Variants in LRBA observed in about 807,000 individuals in gnomAD.
LRBA encodes LPS responsive beige-like anchor protein.
Under a neutral mutation model 330.0 loss-of-function variants are expected in LRBA, and 176 were observed. The observed-to-expected ratio is 0.53, with a 90% CI of 0.47 to 0.60. The LOEUF is 0.60. LRBA is among the 20% of genes least tolerant of loss of function. The probability of loss-of-function intolerance (pLI) is 0.00; values close to 1 mark genes in which losing one functional copy is unlikely to be tolerated. For missense variants in LRBA, 3,259 were observed against 3,444.8 expected, an observed-to-expected ratio of 0.95 and a Z score of 1.35; for synonymous variants, 1,230 against 1,193.0, an observed-to-expected ratio of 1.03 and a Z score of -0.64.
Position 150,610,540 on chromosome 4 carries a change from G to T in LRBA, c.5922-11409C>A, listed in dbSNP as rs375306542. The stretch of plus-strand genomic sequence containing the variant: ...GGAGGCAGAGGTTGCAGTGAGCTGA[G>T]ATTACACCACTGCACTCCAGCCTGG... On this transcript the variant is annotated intron_variant, in intron 37 of 56. Coordinates refer to ENST00000651943, the MANE Select transcript of LRBA (RefSeq NM_001364905.1). 1.6e-4 allele frequency among the ~76,000 whole-genome samples: 25 copies of T among 152,212 alleles called. 2 individuals are homozygous for T. Among genetic ancestry groups the T allele is most frequent in the East Asian group, 1.2e-3 (6 of 5,158 alleles).
chr4:150,590,909 T>C, intron 38 of LRBA, 50 bp from the exon 39 acceptor site: 3 of 1,590,320 alleles, frequency 1.9e-6, no homozygotes, highest in Non-Finnish European at 1.7e-6. Context: ...GAAGAGCACT[T>C]CGGCAGAGGG....
chr4:150,835,757 T>C (rs894719705), intron 28 of LRBA, among the ~76,000 whole-genome samples: 1 of 152,184 alleles, frequency 6.6e-6, no homozygotes, highest in Non-Finnish European at 1.5e-5. Context: ...ACAGGGACAA[T>C]TTGACTTCCT....
At chr4:150,784,377 T>C (rs942209234) in intron 34 of LRBA, among the ~76,000 whole-genome samples, 4 of 152,216 alleles carry the variant, frequency 2.6e-5, no homozygotes, top group African/African-American at 4.8e-5. Flanking sequence ...TTTAGGCCAT[T>C]TGAAACTGGG....
intron 37 of LRBA, among the ~76,000 whole-genome samples, chr4:150,652,044 A>G (rs937768646): frequency 1.3e-5 from 2 of 152,086 alleles, no homozygotes; most frequent in African/African-American, 4.8e-5. Flanking sequence ...GGGTTTTGCC[A>G]TGTTGCCCAA....
At chr4:150,614,566 G>A (rs2126594330) in intron 37 of LRBA, among the ~76,000 whole-genome samples, 1 of 152,262 alleles carries the variant, frequency 6.6e-6, no homozygotes, top group Admixed American at 6.5e-5. Context: ...TGAAAGAAAA[G>A]CTCAAGCATA....
Position 150,916,371 on chromosome 4 carries a change from A to T in LRBA, c.894+30T>A, listed in dbSNP as rs765596492. The T allele has an allele frequency of 1.9e-6, 3 of 1,604,066 alleles. No homozygotes were observed. The East Asian group carries it at 6.7e-5, about 36-fold the overall frequency. On this transcript the variant is annotated intron_variant, in intron 7 of 56. Coordinates refer to ENST00000651943, the MANE Select transcript of LRBA (RefSeq NM_001364905.1). ...TTTTGATGACTAGCATAGCTTGTTA[A>T]CATAACTATGACTCAAGAAGATCAT...
chr4:150,680,558 T>G lies in LRBA; in HGVS notation c.5921+2993A>C, dbSNP rs1452173466. On this transcript the variant is annotated intron_variant, in intron 37 of 56. Transcript: ENST00000651943. Reference sequence around the variant, plus strand: ...GGAAACTTTTGGGAATATGTCTTTATAAAGGGTATTAAGTCTACCAACTAT... The same window carrying G: ...GGAAACTTTTGGGAATATGTCTTTAGAAAGGGTATTAAGTCTACCAACTAT... Among the ~76,000 whole-genome samples, 4 of 152,344 alleles carry G rather than the reference T, an allele frequency of 2.6e-5. No homozygotes were observed. The Middle Eastern group carries it at 0.014, about 518-fold the overall frequency.
chr4:150,992,527 CAT>C (rs768220651), intron 2 of LRBA, among the ~76,000 whole-genome samples: 7 of 152,116 alleles, frequency 4.6e-5, no homozygotes, highest in Non-Finnish European at 1.0e-4. Flanking sequence ...GTATAAATAT[CAT>C]GTGGGAAAAT....
intron 46 of LRBA, chr4:150,423,547 A>C (rs1749119848): frequency 9.5e-6 from 4 of 419,116 alleles, no homozygotes; most frequent in Non-Finnish European, 1.8e-5. Flanking sequence ...CTGGTGGGCT[A>C]TACTTCTTAC....
At chr4:150,895,811 G>A (rs926879867) in intron 16 of LRBA, among the ~76,000 whole-genome samples, 4 of 152,162 alleles carry the variant, frequency 2.6e-5, no homozygotes, top group African/African-American at 9.7e-5. Context: ...TAATGGGATG[G>A]CTGGGTCAAA....
Position 150,360,169 on chromosome 4 carries a change from T to A in LRBA, c.7195-10010A>T, listed in dbSNP as rs191913642. 6.3e-3 allele frequency among the ~76,000 whole-genome samples: 962 copies of A among 152,062 alleles called. 9 individuals are homozygous for A. Among genetic ancestry groups the A allele is most frequent in the African/African-American group, 0.022 (901 of 41,488 alleles). On this transcript the variant is annotated intron_variant, in intron 47 of 56. Coordinates refer to ENST00000651943, the MANE Select transcript of LRBA (RefSeq NM_001364905.1). ...TTTTTAATTTATAAAAAATTTTTTTTAAAAAATGACACAGGGTCTCGCTGT... is the reference window on the plus strand; with the variant it reads ...TTTTTAATTTATAAAAAATTTTTTTAAAAAAATGACACAGGGTCTCGCTGT...
At chr4:150,699,000 C>T (rs939574478) in intron 36 of LRBA, among the ~76,000 whole-genome samples, 4 of 152,050 alleles carry the variant, frequency 2.6e-5, no homozygotes, top group African/African-American at 7.2e-5. Flanking sequence ...GGTCTATAGA[C>T]GCTACAACAT....
At chr4:150,864,644 CTTTTTTTTTTT>C (rs34280757) in intron 22 of LRBA, among the ~76,000 whole-genome samples, 1 of 118,454 alleles carries the variant, frequency 8.4e-6, no homozygotes, top group Non-Finnish European at 1.8e-5. Flanking sequence ...GGCCCACGTT[CTTTTTTTTTTT>C]TTTTTTTTTG....
chr4:150,948,609 C>G (rs926045190), intron 2 of LRBA, among the ~76,000 whole-genome samples: 8 of 151,848 alleles, frequency 5.3e-5, no homozygotes, highest in African/African-American at 1.9e-4. Flanking sequence ...ATAAATTAGG[C>G]TTTATTAAAA....
chr4:150,930,090 G>A (rs968842485), intron 2 of LRBA, among the ~76,000 whole-genome samples: 14 of 152,178 alleles, frequency 9.2e-5, no homozygotes, highest in East Asian at 3.9e-4. Context: ...CGAGGCAGGC[G>A]GACCACCTGA....
At chr4:150,686,850 T>C (rs1165243687) in intron 36 of LRBA, among the ~76,000 whole-genome samples, 3 of 152,120 alleles carry the variant, frequency 2.0e-5, no homozygotes, top group Non-Finnish European at 4.4e-5. Context: ...AATCAAATTA[T>C]ATTTTGTAAA....
intron 2 of LRBA, among the ~76,000 whole-genome samples, chr4:151,012,230 C>G (rs965201519): frequency 6.6e-6 from 1 of 152,096 alleles, no homozygotes; most frequent in African/African-American, 2.4e-5. Flanking sequence ...AAAATCTATA[C>G]CAGGTCTACA....
chr4:150,440,484 A>C (rs1289895548), intron 44 of LRBA, among the ~76,000 whole-genome samples: 1 of 152,054 alleles, frequency 6.6e-6, no homozygotes, highest in Non-Finnish European at 1.5e-5. Flanking sequence ...TATGTTAAAA[A>C]TATAAATAAA....
At chr4:150,785,605 A>G (rs1268325698) in intron 34 of LRBA, among the ~76,000 whole-genome samples, 1 of 152,208 alleles carries the variant, frequency 6.6e-6, no homozygotes, top group Non-Finnish European at 1.5e-5. Context: ...GATATATTTC[A>G]GTGTCATAAT....
Sources: gnomAD v4.1 joint callset for allele counts (sites outside exome capture counted in the v4.1 genomes callset) on GRCh38, gnomAD v4.1.1 for gene constraint, MANE v1.5 for transcripts, NCBI Gene and HGNC (gene_info 2026-07-23, HGNC 2026-07-21) for gene names.